The following ERC1 variants were observed in gnomAD, a reference collection of about 807,000 sequenced individuals.
The protein encoded by ERC1 is RAB6 interacting protein 2.
A neutral mutation model predicts 132.0 loss-of-function variants in ERC1; 56 were observed. The ratio of observed to expected loss-of-function variants is 0.42; its 90% confidence interval spans 0.34 to 0.53. The LOEUF is 0.53. ERC1 is among the 20% of genes least tolerant of loss of function. ERC1 has a pLI of 0.03. For synonymous variants in ERC1, 478 were observed against 476.1 expected (o/e 1.00, Z -0.05); for missense variants, 1,202 against 1,349.9 (o/e 0.89, Z 1.72).
At chr12:1,110,918 G>A (rs1425129758) in intron 5 of ERC1, among the ~76,000 whole-genome samples, 1 of 152,050 alleles carries the variant, frequency 6.6e-6, no homozygotes, top group Non-Finnish European at 1.5e-5. Flanking sequence ...TGGCCTGGCT[G>A]GTCTTGAACT....
In ERC1 at chr12:1,494,250, G is replaced by C. The variant is rs559825728; in HGVS notation, c.*4020G>C. On this transcript the variant is annotated 3_prime_UTR_variant, in exon 19 of 19. Transcript: ENST00000360905. ...AAGGATGAGAAGAGACTGCAATGCA[G>C]CAGGCACCCTCTGCAGAGTGAGGCC... 2.2e-5 allele frequency: 5 copies of C among 232,244 alleles called. No individual in the cohort carries two copies. Among genetic ancestry groups the C allele is most frequent in the African/African-American group, 1.1e-4 (5 of 45,414 alleles). The allele number at this position is 232,244 out of a possible 1,614,324, so 14.4% of individuals were successfully genotyped here.
intron 14 of ERC1, among the ~76,000 whole-genome samples, chr12:1,288,373 C>T (rs540737289): frequency 2.9e-4 from 44 of 152,286 alleles, no homozygotes; most frequent in Non-Finnish European, 5.6e-4. Context: ...CCTTGGCCTC[C>T]CAAAGTGCTG....
At position 1,466,637 on chromosome 12, in the gene ERC1, G is replaced by A. The variant is rs540964290; in HGVS notation, c.3213+21887G>A. On this transcript the variant is annotated intron_variant, in intron 18 of 18. Coordinates refer to ENST00000360905, the MANE Select transcript of ERC1 (RefSeq NM_178040.4). ...ACTGTGGGGCTCTGCCTGTTAAAAG[G>A]TAGGAGGTCCTGGCGAATCTGTTAT... is the stretch of plus-strand genomic sequence containing the variant. 5.9e-5 allele frequency among the ~76,000 whole-genome samples: 9 copies of A among 152,294 alleles called. No homozygotes were observed. The East Asian group carries it at 1.7e-3, about 29-fold the overall frequency.
intron 1 of ERC1, among the ~76,000 whole-genome samples, chr12:1,014,758 TG>T (rs1592701952): frequency 6.6e-6 from 1 of 152,138 alleles, no homozygotes; most frequent in Non-Finnish European, 1.5e-5. Context: ...AATTTTTTTT[TG>T]TTTTTGTTTC....
At chr12:1,210,966 CAG>C (rs1157793605) in intron 12 of ERC1, among the ~76,000 whole-genome samples, 1 of 145,560 alleles carries the variant, frequency 6.9e-6, no homozygotes, top group Admixed American at 6.9e-5. Flanking sequence ...TGCCTAGCAA[CAG>C]AGTGAGACTG....
At chr12:1,215,788 C>G (rs988859685) in intron 12 of ERC1, among the ~76,000 whole-genome samples, 1 of 152,032 alleles carries the variant, frequency 6.6e-6, no homozygotes, top group South Asian at 2.1e-4. Context: ...ACAAAAGAAT[C>G]TTTTCCTCAT....
rs866916981 is a variant in ERC1, at chr12:991,238, G to C, written c.-241G>C. On this transcript the variant is annotated 5_prime_UTR_variant, in exon 1 of 19. Transcript: ENST00000360905. ...CGGTGACGTCGCGGGCGCCTGGGCC[G>C]TGCTGTGGCGGCGGCGGCGGCGGTA... 1.1e-5 allele frequency: 1 copy of C among 87,176 alleles called. No individual in the cohort carries two copies. Among genetic ancestry groups the C allele is most frequent in the African/African-American group, 7.2e-5 (1 of 13,932 alleles). The allele number at this position is 87,176 out of a possible 1,614,324, so 5.4% of individuals were successfully genotyped here.
At chr12:993,672 G>T (rs147886618) in intron 1 of ERC1, among the ~76,000 whole-genome samples, 3 of 152,288 alleles carry the variant, frequency 2.0e-5, no homozygotes, top group Admixed American at 2.0e-4. Flanking sequence ...GGGAGGCCGA[G>T]GCAGGCGGAT....
chr12:1,008,026 C>T (rs1964025823), intron 1 of ERC1, among the ~76,000 whole-genome samples: 1 of 152,180 alleles, frequency 6.6e-6, no homozygotes, highest in South Asian at 2.1e-4. Context: ...AGAGGAGAGT[C>T]AGAATAACAG....
At chr12:1,163,305 T>C (rs1331541102) in intron 8 of ERC1, among the ~76,000 whole-genome samples, 1 of 152,200 alleles carries the variant, frequency 6.6e-6, no homozygotes, top group East Asian at 1.9e-4. Flanking sequence ...AATTATGATA[T>C]GTTCCTTAGC....
intron 1 of ERC1, among the ~76,000 whole-genome samples, chr12:1,016,611 C>T (rs1465216253): frequency 6.7e-6 from 1 of 149,950 alleles, no homozygotes. Context: ...TGTATATAAC[C>T]ATTGGGATCA....
intron 2 of ERC1, among the ~76,000 whole-genome samples, chr12:1,043,048 CTTTT>C (rs397940397): frequency 1.7e-5 from 2 of 119,024 alleles, no homozygotes; most frequent in South Asian, 3.0e-4. Flanking sequence ...CTTTTCTTTT[CTTTT>C]TTTTTTTTTT....
intron 2 of ERC1, among the ~76,000 whole-genome samples, chr12:1,030,983 A>G (rs1362599020): frequency 1.3e-5 from 2 of 152,198 alleles, no homozygotes; most frequent in African/African-American, 2.4e-5. Flanking sequence ...TTCTCAGAAC[A>G]TATCTCTGTC....
intron 18 of ERC1, among the ~76,000 whole-genome samples, chr12:1,469,320 A>T (rs935608784): frequency 2.0e-5 from 3 of 152,286 alleles, no homozygotes; most frequent in African/African-American, 7.2e-5. Flanking sequence ...GCAACATGGG[A>T]GTAGCTGGGG....
intron 2 of ERC1, among the ~76,000 whole-genome samples, chr12:1,048,503 A>G (rs1592937008): frequency 6.6e-6 from 1 of 152,178 alleles, no homozygotes; most frequent in Non-Finnish European, 1.5e-5. Context: ...GGATCTTGAA[A>G]CAGGAGGTAC....
chr12:1,204,540 T>A (rs766774595), intron 12 of ERC1: 11 of 1,582,630 alleles, frequency 7.0e-6, no homozygotes, highest in Non-Finnish European at 8.6e-6. Context: ...AAAACAAAGA[T>A]GATGTGATTG....
At chr12:1,341,860 A>G (rs1371142391) in intron 15 of ERC1, among the ~76,000 whole-genome samples, 1 of 152,222 alleles carries the variant, frequency 6.6e-6, no homozygotes, top group Non-Finnish European at 1.5e-5. Context: ...AATATTTTTC[A>G]TAAATTCTGT....
chr12:1,194,518 C>T (rs561552666), intron 12 of ERC1, among the ~76,000 whole-genome samples: 2 of 152,154 alleles, frequency 1.3e-5, no homozygotes, highest in African/African-American at 2.4e-5. Context: ...TTTTCACTCA[C>T]GCTGTCCATC....
At chr12:1,183,234 TA>T (rs775169813) in intron 10 of ERC1, 46 bp from the exon 11 acceptor site, 285 of 771,060 alleles carry the variant, frequency 3.7e-4, no homozygotes, top group Middle Eastern at 1.1e-3. Context: ...TTTAAACCTC[TA>T]TTTTTTTTAA....
Sources: gnomAD v4.1 joint callset for allele counts (sites outside exome capture counted in the v4.1 genomes callset) on GRCh38, gnomAD v4.1.1 for gene constraint, MANE v1.5 for transcripts, NCBI Gene and HGNC (gene_info 2026-07-23, HGNC 2026-07-21) for gene names.